The following DCUN1D4 variants were observed in gnomAD, a reference collection of about 807,000 sequenced individuals.
DCUN1D4 encodes DCN1-like protein 4.
A neutral mutation model predicts 47.9 loss-of-function variants in DCUN1D4; 22 were observed. That is an observed-to-expected ratio of 0.46 (90% confidence interval 0.33 to 0.66). The LOEUF (loss-of-function observed/expected upper bound fraction) is 0.66, where lower values mean the gene tolerates loss of function less well. Among genes scored for constraint, DCUN1D4 ranks in the 30% least tolerant of loss-of-function variants. The probability of loss-of-function intolerance (pLI) is 0.02; values close to 1 mark genes in which losing one functional copy is unlikely to be tolerated. For missense variants in DCUN1D4, 301 were observed against 340.8 expected (o/e 0.88, Z 0.92); for synonymous variants, 121 against 112.2 (o/e 1.08, Z -0.50).
intron 8 of DCUN1D4, among the ~76,000 whole-genome samples, chr4:51,900,623 C>T (rs765140169): frequency 1.6e-4 from 24 of 152,022 alleles, no homozygotes; most frequent in Non-Finnish European, 3.2e-4. Flanking sequence ...GTTCTAGCTA[C>T]TCAGGAGGCT....
chr4:51,878,568 T>A (rs1174655858), intron 5 of DCUN1D4, among the ~76,000 whole-genome samples: 1 of 152,170 alleles, frequency 6.6e-6, no homozygotes, highest in Non-Finnish European at 1.5e-5. Context: ...TGTCTAATTT[T>A]TTTAAAACTA....
chr4:51,906,025 G>A (rs1732838621), intron 8 of DCUN1D4, among the ~76,000 whole-genome samples: 1 of 152,138 alleles, frequency 6.6e-6, no homozygotes, highest in Non-Finnish European at 1.5e-5. Flanking sequence ...GAGTGAAAGG[G>A]AAGATGGAAG....
At chr4:51,843,043 G>A (rs1721843011), upstream of DCUN1D4, 1 of 1,375,826 alleles carries the variant, frequency 7.3e-7, no homozygotes, top group African/African-American at 1.5e-5. Flanking sequence ...CCGGCGCTAT[G>A]GGCACTCCTT....
In DCUN1D4 at chr4:51,915,131, A is replaced by G. The variant is rs1320178844; in HGVS notation, c.*1547A>G. The G allele has an allele frequency of 1.3e-5, 2 of 152,574 alleles. No homozygotes were observed. The highest frequency in any genetic ancestry group is 4.8e-5 in the African/African-American group (2 of 41,438). 9.5% of individuals were successfully genotyped at this position (152,574 alleles called of 1,614,324 possible). ...GGCATTAAGTGAATAAAGCACACAG[A>G]CAGTGCTACTCTTGACCACTATTTT... On this transcript the variant is annotated 3_prime_UTR_variant, in exon 11 of 11. Transcript: ENST00000334635.
chr4:51,856,568 A>AT (rs1330355865), intron 1 of DCUN1D4, among the ~76,000 whole-genome samples: 2 of 152,106 alleles, frequency 1.3e-5, no homozygotes, highest in Non-Finnish European at 2.9e-5. Context: ...TTAGATTGAT[A>AT]TTTTTGCTTT....
At chr4:51,894,985 G>A (rs1378885566) in intron 7 of DCUN1D4, among the ~76,000 whole-genome samples, 2 of 152,194 alleles carry the variant, frequency 1.3e-5, no homozygotes, top group African/African-American at 4.8e-5. Context: ...CATAGATGGT[G>A]CCTTCTAACT....
At chr4:51,853,321 T>C (rs1209584952) in intron 1 of DCUN1D4, among the ~76,000 whole-genome samples, 3 of 152,260 alleles carry the variant, frequency 2.0e-5, no homozygotes, top group Admixed American at 1.3e-4. Flanking sequence ...TGTTCCCTTA[T>C]CAATTTTCTC....
intron 3 of DCUN1D4, among the ~76,000 whole-genome samples, chr4:51,869,494 AT>A (rs1212643070): frequency 6.6e-6 from 1 of 152,156 alleles, no homozygotes; most frequent in Non-Finnish European, 1.5e-5. Context: ...AGACAGTGAG[AT>A]TTTTGTATTG....
chr4:51,844,386 C>G (rs1722155289), intron 1 of DCUN1D4: 1 of 983,628 alleles, frequency 1.0e-6, no homozygotes, highest in Non-Finnish European at 1.2e-6. Context: ...TCCCCCCGGA[C>G]GGCGGGAAGC....
At chr4:51,846,595 A>G (rs1722583083) in intron 1 of DCUN1D4, among the ~76,000 whole-genome samples, 1 of 152,254 alleles carries the variant, frequency 6.6e-6, no homozygotes, top group Non-Finnish European at 1.5e-5. Context: ...AATAATTAAT[A>G]GCTAATAATC....
rs73246086 is a variant in DCUN1D4 at position 51,906,839 on chromosome 4, A to C, written c.616-4231A>C. ...TTCCTTCCTTACTTCTGAGGGAAGC[A>C]GCCTTGGTAGGCAGTGAAGAGCTCC... On this transcript the variant is annotated intron_variant, in intron 8 of 10. Transcript: ENST00000334635. Among the ~76,000 whole-genome samples the C allele has an allele frequency of 2.5e-3, 382 of 152,330 alleles. 3 individuals are homozygous for C. Among genetic ancestry groups the C allele is most frequent in the Non-Finnish European group, 4.4e-3 (300 of 68,026 alleles).
At chr4:51,879,208 G>A (rs183920982) in intron 5 of DCUN1D4, among the ~76,000 whole-genome samples, 20 of 152,302 alleles carry the variant, frequency 1.3e-4, no homozygotes, top group African/African-American at 4.8e-4. Flanking sequence ...CAAACACATG[G>A]ATGCTGTTAG....
At chr4:51,908,137 A>G (rs1430582081) in intron 8 of DCUN1D4, among the ~76,000 whole-genome samples, 1 of 152,172 alleles carries the variant, frequency 6.6e-6, no homozygotes, top group East Asian at 1.9e-4. Context: ...ATATCATTCT[A>G]TAACTTCTAT....
At chr4:51,905,330 C>G in intron 8 of DCUN1D4, 1 of 360,240 alleles carries the variant, frequency 2.8e-6, no homozygotes, top group Middle Eastern at 6.3e-4. Context: ...GGCCAGTGTC[C>G]TTCACAGAGC....
chr4:51,901,580 C>G (rs1732124553), intron 8 of DCUN1D4, among the ~76,000 whole-genome samples: 1 of 152,208 alleles, frequency 6.6e-6, no homozygotes. Context: ...TTGTACCCAT[C>G]CAGGCCCTGG....
In DCUN1D4 at chr4:51,863,724, T is replaced by A; in HGVS notation, c.136+15T>A. 6.2e-7 allele frequency: 1 copy of A among 1,608,876 alleles called. No individual in the cohort carries two copies. Among genetic ancestry groups the A allele is most frequent in the Non-Finnish European group, 8.5e-7 (1 of 1,177,294 alleles). ...TCACCAAACAGGTATCTGTAAATGC[T>A]AACACTACTTAATTTTAAATAGCTT... On this transcript the variant is annotated intron_variant, in intron 3 of 10. Transcript: ENST00000334635.
intron 1 of DCUN1D4, among the ~76,000 whole-genome samples, chr4:51,862,003 G>GA (rs1242593613): frequency 6.6e-6 from 1 of 152,166 alleles, no homozygotes; most frequent in African/African-American, 2.4e-5. Flanking sequence ...GTATTTAGAT[G>GA]AAAAATCCAG....
intron 1 of DCUN1D4, chr4:51,860,735 A>G (rs1724923111): frequency 4.6e-6 from 2 of 431,610 alleles, no homozygotes; most frequent in Non-Finnish European, 9.3e-6. Context: ...CAAAGACAGC[A>G]CTAAGCCATG....
intron 1 of DCUN1D4, chr4:51,845,046 T>A (rs911955899): frequency 2.0e-6 from 2 of 985,532 alleles, no homozygotes; most frequent in Admixed American, 6.1e-5. Context: ...CCAAGTGAAT[T>A]TCCCCCTGCA....
Sources: allele counts gnomAD v4.1 joint callset (sites outside exome capture counted in the v4.1 genomes callset), GRCh38; gene constraint gnomAD v4.1.1; transcripts MANE v1.5; gene names NCBI Gene and HGNC (gene_info 2026-07-23, HGNC 2026-07-21).